The following NXN variants were observed in gnomAD, a reference collection of about 807,000 sequenced individuals.
NXN encodes nucleoredoxin, also known as nucleoredoxin 1.
A neutral mutation model predicts 48.6 loss-of-function variants in NXN; 16 were observed. The ratio of observed to expected loss-of-function variants is 0.33; its 90% CI spans 0.22 to 0.50. The LOEUF is 0.50. NXN is among the 20% of genes least tolerant of loss of function. NXN has a pLI of 0.98. For missense variants in NXN, 492 were observed against 605.5 expected, an observed-to-expected ratio of 0.81 and a Z score of 1.97; for synonymous variants, 281 against 269.6, an observed-to-expected ratio of 1.04 and a Z score of -0.41.
intron 1 of NXN, among the ~76,000 whole-genome samples, chr17:904,586 C>T (rs2068566677): frequency 2.0e-5 from 3 of 152,156 alleles, no homozygotes; most frequent in African/African-American, 7.2e-5. Context: ...CTCTGTCACC[C>T]GGGCTGGGGT....
At position 955,162 on chromosome 17, in the gene NXN, CT is replaced by C. The variant is rs749641262; in HGVS notation, c.360+24156del. 9.4e-3 allele frequency among the ~76,000 whole-genome samples: 1,178 copies of C among 125,190 alleles called. 14 individuals are homozygous for C. The highest frequency in any genetic ancestry group is 0.03 in the African/African-American group (959 of 31,634). The allele number at this position is 125,190 out of a possible 152,430, so 82.1% of individuals were successfully genotyped here. On this transcript the variant is annotated intron_variant, in intron 1 of 7. Coordinates refer to ENST00000336868, the MANE Select transcript of NXN (RefSeq NM_022463.5). ...TCTTTTCCAGCATGCTCATCTCTTT[CT>C]TTTTTTTTTTTTTTTTTTTCCTGAG...
At chr17:805,706 C>T (rs550787590) in intron 5 of NXN, among the ~76,000 whole-genome samples, 17 of 152,180 alleles carry the variant, frequency 1.1e-4, no homozygotes, top group South Asian at 2.1e-4. Context: ...GGCGTGGTGG[C>T]GGGCGCCTGT....
At chr17:854,589 A>C (rs561667424) in intron 1 of NXN, among the ~76,000 whole-genome samples, 104 of 148,784 alleles carry the variant, frequency 7.0e-4, no homozygotes, top group African/African-American at 2.2e-3. Flanking sequence ...CGAGAGGAGG[A>C]GCTTGCAGTG....
rs905960174 is a variant in NXN at position 979,762 on chromosome 17, G to A, written c.-84C>T. ...GGAGGAGGCGGCGGCGTCGGCGGCA[G>A]GCGCTGGGGAGAGCAGAGCCCGGCC... On this transcript the variant is annotated 5_prime_UTR_variant, in exon 1 of 8. Coordinates refer to ENST00000336868, the MANE Select transcript of NXN (RefSeq NM_022463.5). 8 of 1,161,698 alleles carry A rather than the reference G, an allele frequency of 6.9e-6. No homozygotes were observed. The highest frequency in any genetic ancestry group is 8.7e-6 in the Non-Finnish European group (8 of 919,058). The allele number at this position is 1,161,698 out of a possible 1,614,324, so 72.0% of individuals were successfully genotyped here. A position where few individuals can be genotyped will look rare whatever the true frequency, so the allele number is the denominator to read the frequency against.
At chr17:876,357 A>C (rs987086268) in intron 1 of NXN, among the ~76,000 whole-genome samples, 2 of 152,234 alleles carry the variant, frequency 1.3e-5, no homozygotes, top group Admixed American at 6.5e-5. Flanking sequence ...AAAGCTATTG[A>C]AATTTCAGGT....
chr17:915,120 G>T (rs536620008), intron 1 of NXN, among the ~76,000 whole-genome samples: 14 of 152,098 alleles, frequency 9.2e-5, no homozygotes, highest in South Asian at 2.1e-4. Context: ...ATTTTTAGTA[G>T]AAATGGGGTT....
chr17:943,972 T>C (rs2069012862), intron 1 of NXN, among the ~76,000 whole-genome samples: 1 of 151,928 alleles, frequency 6.6e-6, no homozygotes. Context: ...GCACGGTGGC[T>C]CACGCCTGTA....
At chr17:924,481 C>T (rs571533630) in intron 1 of NXN, among the ~76,000 whole-genome samples, 8 of 152,374 alleles carry the variant, frequency 5.3e-5, no homozygotes, top group Admixed American at 2.6e-4. Flanking sequence ...AGGTGATCCG[C>T]CCACCTCGGC....
rs577937400 is a variant in NXN, at chr17:976,055, GTGTGTTTTGGAAGCTGAAATAATA to G, written c.360+3240_360+3263del. Among the ~76,000 whole-genome samples the G allele has an allele frequency of 7.8e-3, 1,186 of 152,288 alleles. 21 individuals are homozygous for G. The highest frequency in any genetic ancestry group is 0.028 in the African/African-American group (1,147 of 41,560). On this transcript the variant is annotated intron_variant, in intron 1 of 7. Coordinates refer to ENST00000336868, the MANE Select transcript of NXN (RefSeq NM_022463.5). ...AATTTATGCACAGCTATATAATAAT[GTGTGTTTTGGAAGCTGAAATAATA>G]TGTGTTTTGGAAGCCAAAAAAATTA...
chr17:896,855 C>CCGGGGGCGGCGGG, intron 1 of NXN: 1 of 1,102,006 alleles, frequency 9.1e-7, no homozygotes, highest in Non-Finnish European at 1.2e-6. Context: ...GCGGTCCTGA[C>CCGGGGGCGGCGGG]CACCCGCCCC....
intron 1 of NXN, among the ~76,000 whole-genome samples, chr17:969,271 C>T (rs550166807): frequency 6.6e-5 from 10 of 152,230 alleles, no homozygotes; most frequent in African/African-American, 2.2e-4. Context: ...TTTTACTCAC[C>T]AGGAAACTAG....
intron 1 of NXN, among the ~76,000 whole-genome samples, chr17:847,294 T>C (rs1203175059): frequency 2.0e-5 from 3 of 152,000 alleles, no homozygotes; most frequent in Non-Finnish European, 2.9e-5. Flanking sequence ...TGCCCAGTTA[T>C]AAACCCCGTG....
At chr17:811,997 G>C (rs58176673) in intron 5 of NXN, among the ~76,000 whole-genome samples, 17,835 of 142,192 alleles carry the variant, frequency 0.13, 2,807 homozygotes, top group African/African-American at 0.38. Flanking sequence ...GCAAGATCTC[G>C]GCTCACTGCA....
At position 902,261 on chromosome 17, in the gene NXN, C is replaced by T. The variant is rs76165942; in HGVS notation, c.361-76183G>A. 5.2e-3 allele frequency among the ~76,000 whole-genome samples: 797 copies of T among 152,362 alleles called. 6 individuals carry two copies. Among genetic ancestry groups the T allele is most frequent in the Non-Finnish European group, 5.8e-3 (398 of 68,040 alleles). Reference sequence around the variant, plus strand: ...CGTCCGTTCCAGACATAAGCCAACGCTCGCTCTGGCGTTCTCAGAAACCGT... The same window carrying T: ...CGTCCGTTCCAGACATAAGCCAACGTTCGCTCTGGCGTTCTCAGAAACCGT... On this transcript the variant is annotated intron_variant, in intron 1 of 7. Transcript: ENST00000336868.
chr17:953,389 T>A (rs1038626959), intron 1 of NXN, among the ~76,000 whole-genome samples: 5 of 152,100 alleles, frequency 3.3e-5, no homozygotes, highest in African/African-American at 1.2e-4. Context: ...CACTCCAGCC[T>A]GGGAGACAGA....
chr17:830,092 T>C lies in NXN; in HGVS notation c.361-4014A>G, dbSNP rs1913373977. On this transcript the variant is annotated intron_variant, in intron 1 of 7. Transcript: ENST00000336868. This position sits in a 1 kb window ranked among gnomAD's most constrained non-coding sequence, Gnocchi z 4.2. ...AACTAATTGACCCTCCCACCAACAGTGTCAAAGTTGCTTATCTTTGACTTA... is the reference window on the plus strand; with the variant it reads ...AACTAATTGACCCTCCCACCAACAGCGTCAAAGTTGCTTATCTTTGACTTA... Among the ~76,000 whole-genome samples the C allele has an allele frequency of 6.6e-6, 1 of 152,184 alleles. No homozygotes were observed. Among genetic ancestry groups the C allele is most frequent in the Non-Finnish European group, 1.5e-5 (1 of 68,034 alleles).
At chr17:903,908 C>T (rs558659484) in intron 1 of NXN, among the ~76,000 whole-genome samples, 3 of 151,996 alleles carry the variant, frequency 2.0e-5, no homozygotes, top group Non-Finnish European at 4.4e-5. Context: ...AACCTCACCC[C>T]CCACGGGCAG....
In NXN at chr17:820,922, TA is replaced by T. The variant is rs760861259; in HGVS notation, c.714-1378del. Among the ~76,000 whole-genome samples the T allele has an allele frequency of 9.0e-4, 22 of 24,460 alleles. 1 individual carries two copies. Among genetic ancestry groups the T allele is most frequent in the East Asian group, 2.8e-3 (2 of 720 alleles). 16.0% of individuals were successfully genotyped at this position (24,460 alleles called of 152,430 possible). A position where few individuals can be genotyped will look rare whatever the true frequency, so the allele number is the denominator to read the frequency against. Reference sequence around the variant, plus strand: ...CTAGGCAACAGAGCGAGACTCCACCTAAAAAAAAAAAAAAAAACAAAAAAAA... The same window carrying T: ...CTAGGCAACAGAGCGAGACTCCACCTAAAAAAAAAAAAAAAACAAAAAAAA... On this transcript the variant is annotated intron_variant, in intron 4 of 7. Coordinates refer to ENST00000336868, the MANE Select transcript of NXN (RefSeq NM_022463.5).
chr17:863,964 G>A lies in NXN; in HGVS notation c.361-37886C>T, dbSNP rs2068067625. 17 of 1,534,354 alleles carry A rather than the reference G, an allele frequency of 1.1e-5. No individual in the cohort carries two copies. In the East Asian group the frequency reaches 3.9e-4, roughly 35 times the overall value. The stretch of plus-strand genomic sequence containing the variant: ...AGCAGCAGCAATGCCTGGGAACTGA[G>A]TGAGGAAACACGTTAACCATTGCTC... On this transcript the variant is annotated intron_variant, in intron 1 of 7. Coordinates refer to ENST00000336868, the MANE Select transcript of NXN (RefSeq NM_022463.5).
Sources: allele counts gnomAD v4.1 joint callset (sites outside exome capture counted in the v4.1 genomes callset), GRCh38; gene constraint gnomAD v4.1.1; non-coding constraint Gnocchi (gnomAD v3.1); transcripts MANE v1.5; gene names NCBI Gene and HGNC (gene_info 2026-07-23, HGNC 2026-07-21).